The following SLC25A18 variants were observed in gnomAD, a reference collection of about 807,000 sequenced individuals.
SLC25A18 encodes the protein mitochondrial glutamate carrier 2.
In SLC25A18, 24 loss-of-function variants were observed where a neutral mutation model predicts 31.1. The ratio of observed to expected loss-of-function variants is 0.77; its 90% CI spans 0.56 to 1.08. The LOEUF (loss-of-function observed/expected upper bound fraction) is 1.08. SLC25A18 is among the 50% of genes least tolerant of loss of function. The pLI, the probability that SLC25A18 is intolerant of heterozygous loss-of-function variation, is 0.00. For missense variants in SLC25A18, 371 were observed against 418.5 expected, an observed-to-expected ratio of 0.89 and a Z score of 0.99; for synonymous variants, 173 against 161.9, an observed-to-expected ratio of 1.07 and a Z score of -0.52.
chr22:17,572,735 G>A (rs1205635753), intron 2 of SLC25A18, among the ~76,000 whole-genome samples: 2 of 129,992 alleles, frequency 1.5e-5, no homozygotes, highest in South Asian at 2.6e-4. Context: ...TCCGCCTCCC[G>A]GGTTCACACC....
intron 2 of SLC25A18, among the ~76,000 whole-genome samples, chr22:17,572,448 G>A (rs2057115566): frequency 6.9e-6 from 1 of 145,900 alleles, no homozygotes; most frequent in Non-Finnish European, 1.5e-5. Flanking sequence ...TCGTGCCATT[G>A]CACTCCAGCC....
At chr22:17,572,620 C>T (rs1005361936) in intron 2 of SLC25A18, among the ~76,000 whole-genome samples, 1 of 151,034 alleles carries the variant, frequency 6.6e-6, no homozygotes, top group African/African-American at 2.4e-5. Context: ...ATGGCGAGAC[C>T]CCATCTCTAC....
chr22:17,572,705 G>A (rs1242812527), intron 2 of SLC25A18, among the ~76,000 whole-genome samples: 8 of 130,642 alleles, frequency 6.1e-5, no homozygotes, highest in Admixed American at 7.7e-5. Flanking sequence ...GCAGTGGCGC[G>A]ATCTCGGCTC....
chr22:17,577,370 C>A (rs990150317), intron 2 of SLC25A18, among the ~76,000 whole-genome samples: 1 of 150,016 alleles, frequency 6.7e-6, no homozygotes, highest in African/African-American at 2.5e-5. Flanking sequence ...GTTGGTCAGG[C>A]TGTTCTCAAA....
chr22:17,580,566 G>A (rs1241733601), intron 3 of SLC25A18: 17 of 990,186 alleles, frequency 1.7e-5, no homozygotes, highest in East Asian at 2.2e-4. Flanking sequence ...CCCCAGGCAC[G>A]GTTTCCATAG....
At chr22:17,571,272 T>A (rs1312012466) in intron 2 of SLC25A18, among the ~76,000 whole-genome samples, 3 of 152,130 alleles carry the variant, frequency 2.0e-5, no homozygotes, top group African/African-American at 7.2e-5. Flanking sequence ...CAATCTGTGG[T>A]GATCTAGCAG....
chr22:17,581,438 G>GGCTGGGCA, intron 5 of SLC25A18, 25 bp downstream of exon 5: 1 of 1,613,668 alleles, frequency 6.2e-7, no homozygotes, highest in Non-Finnish European at 8.5e-7. Context: ...TCCCCTGGGA[G>GGCTGGGCA]GCTGGGCAGC....
chr22:17,587,724 C>G, intron 8 of SLC25A18: 1 of 632,884 alleles, frequency 1.6e-6, no homozygotes. Flanking sequence ...GAGGAAGGAG[C>G]TGGGACGGCG....
chr22:17,586,865 C>T (rs899615510), intron 7 of SLC25A18, among the ~76,000 whole-genome samples: 8 of 152,148 alleles, frequency 5.3e-5, no homozygotes, highest in Middle Eastern at 3.2e-3. Flanking sequence ...CCCTAAGGAA[C>T]GTGGCGGAGA....
chr22:17,569,378 C>G (rs1601262564), intron 1 of SLC25A18, among the ~76,000 whole-genome samples: 1 of 152,164 alleles, frequency 6.6e-6, no homozygotes, highest in South Asian at 2.1e-4. Flanking sequence ...TTGCAGCCCT[C>G]CTGCAGCTGA....
rs185359623 is a variant in SLC25A18 at position 17,590,495 on chromosome 22, C to G, written c.*259C>G. 5.1e-4 allele frequency: 197 copies of G among 387,004 alleles called. No homozygotes were observed. The highest frequency in any genetic ancestry group is 2.1e-3 in the Middle Eastern group (3 of 1,420). The allele number at this position is 387,004 out of a possible 1,614,324, so 24.0% of individuals were successfully genotyped here. ...AAGCCCCTAACCACCTACTTTTCAA[C>G]AAAAATGGTACTTTCGTTGTATTAA... On this transcript the variant is annotated 3_prime_UTR_variant, in exon 11 of 11. Transcript: ENST00000327451.
At chr22:17,577,073 A>T (rs997504405) in intron 2 of SLC25A18, among the ~76,000 whole-genome samples, 3 of 152,070 alleles carry the variant, frequency 2.0e-5, no homozygotes, top group Non-Finnish European at 2.9e-5. Flanking sequence ...CCCAGGCTGG[A>T]GTGCAGTGGC....
intron 1 of SLC25A18, among the ~76,000 whole-genome samples, chr22:17,567,320 G>T (rs374723370): frequency 6.6e-6 from 1 of 152,154 alleles, no homozygotes; most frequent in East Asian, 1.9e-4. Flanking sequence ...CAGCTAGTAA[G>T]CAGTAAACTA....
chr22:17,580,872 C>G, intron 3 of SLC25A18, 165 bp from the exon 4 acceptor site: 1 of 1,398,588 alleles, frequency 7.2e-7, no homozygotes, highest in Non-Finnish European at 9.3e-7. Context: ...GTGCGGCTGT[C>G]CTGTCTGGAC....
rs542940451 is a variant in SLC25A18 at position 17,568,135 on chromosome 22, C to T, written c.-263-1789C>T. Among the ~76,000 whole-genome samples, 97 of 151,988 alleles carry T rather than the reference C, an allele frequency of 6.4e-4. 2 individuals carry two copies. Among genetic ancestry groups the T allele is most frequent in the African/African-American group, 2.2e-3 (92 of 41,470 alleles). ...ATCCCAGCACTTTGGGAGGCTGAGG[C>T]GGGCGGATCACGAGGTCAGGAGATC... On this transcript the variant is annotated intron_variant, in intron 1 of 10. Coordinates refer to ENST00000327451, the MANE Select transcript of SLC25A18 (RefSeq NM_031481.3).
chr22:17,587,108 G>A, intron 7 of SLC25A18, 28 bp from the exon 8 acceptor site: 1 of 1,609,934 alleles, frequency 6.2e-7, no homozygotes, highest in Non-Finnish European at 8.5e-7. Context: ...TGGGGACCAG[G>A]TACTGATGTC....
At chr22:17,570,841 T>A (rs1389772630) in intron 2 of SLC25A18, among the ~76,000 whole-genome samples, 1 of 152,162 alleles carries the variant, frequency 6.6e-6, no homozygotes, top group East Asian at 1.9e-4. Flanking sequence ...AGCAAGTCAG[T>A]GTCAATGTAA....
At chr22:17,574,928 T>C (rs1177851954) in intron 2 of SLC25A18, among the ~76,000 whole-genome samples, 1 of 151,830 alleles carries the variant, frequency 6.6e-6, no homozygotes, top group Non-Finnish European at 1.5e-5. Flanking sequence ...CTCAACTCAC[T>C]GCAACCTCCG....
rs148462301 is a variant in SLC25A18 at position 17,573,677 on chromosome 22, C to T, written c.-201+3691C>T. ...CTCTCTCCTTCCCTGCAGGCAGCTT[C>T]GGTTCCTAACTTGCATCCTTCATTC... On this transcript the variant is annotated intron_variant, in intron 2 of 10. Coordinates refer to ENST00000327451, the MANE Select transcript of SLC25A18 (RefSeq NM_031481.3). Among the ~76,000 whole-genome samples the T allele has an allele frequency of 7.7e-3, 1,171 of 152,224 alleles. 12 individuals are homozygous for T. The highest frequency in any genetic ancestry group is 0.015 in the African/African-American group (634 of 41,530).
Sources: allele counts gnomAD v4.1 joint callset (sites outside exome capture counted in the v4.1 genomes callset), GRCh38; gene constraint gnomAD v4.1.1; transcripts MANE v1.5; gene names NCBI Gene and HGNC (gene_info 2026-07-23, HGNC 2026-07-21).